SSR4: variants seen among roughly 807,000 people sequenced by gnomAD.
SSR4 encodes translocon-associated protein subunit delta.
For synonymous variants in SSR4, 84 were observed against 65.6 expected (o/e 1.28, Z -1.35); for missense variants, 125 against 148.8 (o/e 0.84, Z 0.83).
intron 2 of SSR4, chrX:153,797,034 A>G: frequency 5.4e-6 from 1 of 184,339 alleles, no homozygotes; most frequent in Non-Finnish European, 1.0e-5. Context: ...GCTCGCCACC[A>G]TGCCCAGCTA....
chrX:153,797,048 T>C, intron 2 of SSR4: 1 of 190,137 alleles, frequency 5.3e-6, no homozygotes, highest in Non-Finnish European at 9.8e-6. Context: ...CCAGCTAAGT[T>C]CCCATAAGTC....
upstream of SSR4, chrX:153,794,278 G>C: frequency 8.3e-7 from 1 of 1,201,875 alleles, no homozygotes; most frequent in South Asian, 1.8e-5. Context: ...GCTGGCCCGA[G>C]CACCGCCTTC....
intron 2 of SSR4, 170 bp from the exon 3 acceptor site, chrX:153,797,288 G>T: frequency 2.1e-6 from 1 of 467,510 alleles, no homozygotes. Flanking sequence ...CCAATGCAGA[G>T]GGCCAGTCAC....
intron 2 of SSR4, 101 bp from the exon 3 acceptor site, chrX:153,797,357 C>T: frequency 2.7e-6 from 2 of 742,951 alleles, no homozygotes; most frequent in Non-Finnish European, 2.1e-6. Context: ...CCCAACTGGG[C>T]CTAGCCTGCC....
chrX:153,798,000 T>TGG, intron 4 of SSR4, 71 bp from the exon 5 acceptor site: 3 of 703,991 alleles, frequency 4.3e-6, no homozygotes, highest in Non-Finnish European at 6.8e-6. Context: ...TACCTGTCTT[T>TGG]CCCCTCCCCT....
intron 1 of SSR4, 21 bp from the exon 2 acceptor site, chrX:153,796,413 A>C: frequency 1.8e-6 from 2 of 1,115,554 alleles, no homozygotes; most frequent in Non-Finnish European, 2.5e-6. Flanking sequence ...TTACCCAGGC[A>C]TCTCTCCCTC....
At chrX:153,797,153 C>G in intron 2 of SSR4, 1 of 347,962 alleles carries the variant, frequency 2.9e-6, no homozygotes, top group Non-Finnish European at 5.1e-6. Context: ...CAGCACCTCC[C>G]TTGTAGACTC....
intron 4 of SSR4, 116 bp downstream of exon 4, chrX:153,797,930 T>C (rs2092151821): frequency 2.3e-6 from 2 of 859,787 alleles, no homozygotes; most frequent in East Asian, 6.3e-5. Context: ...TCCTGTCCCT[T>C]CCTCAGTGTC....
intron 1 of SSR4, chrX:153,795,026 C>T: frequency 2.6e-6 from 1 of 387,446 alleles, no homozygotes; most frequent in Non-Finnish European, 4.5e-6. Flanking sequence ...GAACGTGACA[C>T]ATGTCCCGGC....
Position 153,796,385 on chromosome X carries a change from G to A in SSR4, c.68-49G>A, listed in dbSNP as rs782001325. 12 of 960,711 alleles carry A rather than the reference G, an allele frequency of 1.2e-5. No homozygotes were observed. In the African/African-American group the frequency reaches 1.5e-4, roughly 12 times the overall value. 79.2% of individuals were successfully genotyped at this position (960,711 alleles called of 1,213,427 possible). ...GGCCGGGCCATCCTGCCCTCAGACC[G>A]GGATACTCGAGCTGGCCTTACCCAG... On this transcript the variant is annotated intron_variant, in intron 1 of 5. Transcript: ENST00000370086.
At chrX:153,798,190 A>T in intron 5 of SSR4, 54 bp downstream of exon 5, 1 of 1,183,435 alleles carries the variant, frequency 8.4e-7, no homozygotes. Context: ...AGTGAAGGTT[A>T]TCCTCTCCAC....
rs1057524706 is a variant in SSR4, at chrX:153,798,151, C to T, written c.417+15C>T. ...TGGACCATCGGGTGAGTGGCCTGGT[C>T]CCTCCTCCTTTTTGGGGTTGTTGGG... On this transcript the variant is annotated intron_variant, in intron 5 of 5. Coordinates refer to ENST00000370086, the MANE Select transcript of SSR4 (RefSeq NM_006280.3). 19 of 1,207,785 alleles carry T rather than the reference C, an allele frequency of 1.6e-5. No individual in the cohort carries two copies. Among genetic ancestry groups the T allele is most frequent in the Non-Finnish European group, 2.0e-5 (18 of 891,696 alleles).
chrX:153,798,183 G>A, intron 5 of SSR4, 47 bp downstream of exon 5: 1 of 1,185,514 alleles, frequency 8.4e-7, no homozygotes, highest in Middle Eastern at 2.4e-4. Context: ...TGGGCTGAGT[G>A]AAGGTTATCC....
chrX:153,796,568 T>C lies in SSR4; in HGVS notation c.186+16T>C. Reference sequence around the variant, plus strand: ...CAGGGTCCAGGTGAGACAGTGGGGTTTCAGACAGGAGGGCGGGTGGGGGGT... The same window carrying C: ...CAGGGTCCAGGTGAGACAGTGGGGTCTCAGACAGGAGGGCGGGTGGGGGGT... On this transcript the variant is annotated intron_variant, in intron 2 of 5. Transcript: ENST00000370086. The C allele has an allele frequency of 1.8e-6, 2 of 1,139,926 alleles. No homozygotes were observed. The highest frequency in any genetic ancestry group is 2.4e-6 in the Non-Finnish European group (2 of 830,448). The allele number at this position is 1,139,926 out of a possible 1,213,427, so 93.9% of individuals were successfully genotyped here. A position where few individuals can be genotyped will look rare whatever the true frequency, so the allele number is the denominator to read the frequency against.
chrX:153,797,741 A>G lies in SSR4; in HGVS notation c.278A>G (p.Asp93Gly). The G allele has an allele frequency of 1.7e-6, 2 of 1,210,570 alleles. No individual in the cohort carries two copies. Among genetic ancestry groups the G allele is most frequent in the East Asian group, 3.0e-5 (1 of 33,828 alleles). Residue 93 changes from aspartate (D) to glycine (G), a missense_variant, in exon 4 of 6, where the codon GAC (aspartate) becomes GGC (glycine). Physicochemically the swap from Asp to Gly is moderately conservative, Grantham distance 94. Coordinates refer to ENST00000370086, the MANE Select transcript of SSR4 (RefSeq NM_006280.3). The part of the protein sequence containing the change: ...VGRYQVSWSL[D>G]HKSAHAGTYE... ...CCAACCCAGGTGTCCTGGAGCCTGG[A>G]CCACAAGAGCGCCCACGCAGGCACC...
At chrX:153,798,226 G>A in intron 5 of SSR4, 90 bp downstream of exon 5, 2 of 1,172,843 alleles carry the variant, frequency 1.7e-6, no homozygotes. Flanking sequence ...GCTGGGCCGT[G>A]ATTGGCCAGC....
chrX:153,797,862 G>T, intron 4 of SSR4, 48 bp downstream of exon 4: 1 of 1,076,274 alleles, frequency 9.3e-7, no homozygotes, highest in Non-Finnish European at 1.3e-6. Flanking sequence ...TGGGGAGCAG[G>T]ATGGGCTGGG....
chrX:153,795,623 G>A, intron 1 of SSR4: 25 of 744,923 alleles, frequency 3.4e-5, no homozygotes, highest in Non-Finnish European at 3.8e-5. Flanking sequence ...AAGGGCTGGC[G>A]GGATCTAGCC....
Position 153,794,719 on chromosome X carries a change from C to T in SSR4, c.32C>T (p.Ala11Val), listed in dbSNP as rs782604567. The change falls in exon 1 of 6, where the codon GCG becomes GTG. Residue 11 changes from alanine to valine, a missense_variant. Physicochemically the swap from Ala to Val is moderately conservative, Grantham distance 64. Transcript: ENST00000370086. ...GCGATGGCATCTCTCGGCGCCCTGG[C>T]GCTGCTCCTGCTGTCCAGCCTCTCC... MAAMASLGALALLLLSSLSRC... is the reference protein window; with the variant it reads MAAMASLGALVLLLLSSLSRC... 2.5e-6 allele frequency: 3 copies of T among 1,211,090 alleles called. No homozygotes were observed. The highest frequency in any genetic ancestry group is 3.5e-5 in the African/African-American group (2 of 57,775).
Sources: allele counts gnomAD v4.1 joint callset, GRCh38; gene constraint gnomAD v4.1.1; transcripts MANE v1.5; gene names NCBI Gene and HGNC (gene_info 2026-07-23, HGNC 2026-07-21).